TOM1L2: variants seen among roughly 807,000 people sequenced by gnomAD.
TOM1L2 encodes the protein TOM1-like protein 2.
In TOM1L2, 31 loss-of-function variants were observed where a neutral mutation model predicts 67.9. The ratio of observed to expected loss-of-function variants is 0.46; its 90% CI spans 0.34 to 0.62. The LOEUF (loss-of-function observed/expected upper bound fraction) is 0.62. TOM1L2 is among the 20% of genes least tolerant of loss of function. The probability of loss-of-function intolerance (pLI) is 0.01; values close to 1 mark genes in which losing one functional copy is unlikely to be tolerated. For synonymous variants in TOM1L2, 256 were observed against 254.0 expected, an observed-to-expected ratio of 1.01 and a Z score of -0.07; for missense variants, 606 against 663.5, an observed-to-expected ratio of 0.91 and a Z score of 0.95.
intron 1 of TOM1L2, among the ~76,000 whole-genome samples, chr17:17,930,116 A>C (rs1456014048): frequency 6.6e-6 from 1 of 152,208 alleles, no homozygotes; most frequent in African/African-American, 2.4e-5. Flanking sequence ...TTCAGAAATG[A>C]GACTGCCAAG....
At chr17:17,904,797 T>C (rs1422563095) in intron 2 of TOM1L2, among the ~76,000 whole-genome samples, 1 of 150,938 alleles carries the variant, frequency 6.6e-6, no homozygotes, top group Admixed American at 6.5e-5. Flanking sequence ...ACTGGCCCTT[T>C]TGATGCCACC....
At position 17,893,823 on chromosome 17, in the gene TOM1L2, G is replaced by A. The variant is rs751221794; in HGVS notation, c.217-13C>T. 3.1e-6 allele frequency: 5 copies of A among 1,612,446 alleles called. No individual in the cohort carries two copies. The highest frequency in any genetic ancestry group is 3.3e-4 in the Middle Eastern group (2 of 5,992). On this transcript the variant is annotated splice_polypyrimidine_tract_variant and intron_variant, in intron 3 of 14. Transcript: ENST00000379504. ...ATGTCTCCAGCACCTGATGTGGGGA[G>A]GGAAGGAAAAGGGTCACCCCAGTGG... is the stretch of plus-strand genomic sequence containing the variant.
At chr17:17,946,938 T>G (rs935030924) in intron 1 of TOM1L2, among the ~76,000 whole-genome samples, 2 of 152,210 alleles carry the variant, frequency 1.3e-5, no homozygotes, top group Non-Finnish European at 2.9e-5. Flanking sequence ...TTGGCCAGGC[T>G]GGTCTCGAGC....
At chr17:17,856,081 G>C (rs1336764222) in intron 12 of TOM1L2, among the ~76,000 whole-genome samples, 1 of 152,246 alleles carries the variant, frequency 6.6e-6, no homozygotes, top group Admixed American at 6.5e-5. Flanking sequence ...TGGCGAGGCA[G>C]TCTGTGTGGG....
chr17:17,900,790 G>A (rs913655444), intron 2 of TOM1L2, among the ~76,000 whole-genome samples: 4 of 152,162 alleles, frequency 2.6e-5, no homozygotes, highest in South Asian at 2.1e-4. Context: ...GGACTTAACC[G>A]GCTCTCTGCT....
At chr17:17,873,986 C>T (rs566835671) in intron 7 of TOM1L2, among the ~76,000 whole-genome samples, 3 of 151,252 alleles carry the variant, frequency 2.0e-5, no homozygotes, top group Non-Finnish European at 4.4e-5. Context: ...ATGGGAGTCT[C>T]GCTCTGTCGC....
At chr17:17,947,755 A>G (rs1025365232) in intron 1 of TOM1L2, among the ~76,000 whole-genome samples, 6 of 152,222 alleles carry the variant, frequency 3.9e-5, no homozygotes, top group Non-Finnish European at 8.8e-5. Flanking sequence ...TCAGGCTCAA[A>G]GAGGTTACTG....
At chr17:17,955,343 T>G (rs1280038897) in intron 1 of TOM1L2, among the ~76,000 whole-genome samples, 6 of 145,604 alleles carry the variant, frequency 4.1e-5, no homozygotes, top group South Asian at 2.3e-4. Context: ...TTTTTTTTTT[T>G]TTTTTTTGTT....
chr17:17,916,156 C>A (rs1476048689), intron 1 of TOM1L2, among the ~76,000 whole-genome samples: 2 of 151,524 alleles, frequency 1.3e-5, no homozygotes, highest in African/African-American at 4.8e-5. Context: ...TCACTGCAAG[C>A]TCTACCTCCT....
At chr17:17,894,751 C>T (rs1335877397) in intron 3 of TOM1L2, among the ~76,000 whole-genome samples, 2 of 152,174 alleles carry the variant, frequency 1.3e-5, no homozygotes, top group African/African-American at 4.8e-5. Flanking sequence ...GCCAACACGG[C>T]GAAGCCCTGC....
At chr17:17,869,602 C>A in intron 7 of TOM1L2, 129 bp from the exon 8 acceptor site, 2 of 1,415,314 alleles carry the variant, frequency 1.4e-6, no homozygotes, top group Non-Finnish European at 1.8e-6. Flanking sequence ...TAAAACCAGA[C>A]ATGTGCCGAA....
At chr17:17,929,289 G>C (rs2040228172) in intron 1 of TOM1L2, among the ~76,000 whole-genome samples, 1 of 152,164 alleles carries the variant, frequency 6.6e-6, no homozygotes, top group Non-Finnish European at 1.5e-5. Context: ...CTTCTGCTTA[G>C]AGCTGCTTTG....
Position 17,847,171 on chromosome 17 carries a change from T to A in TOM1L2, c.*464A>T, listed in dbSNP as rs2035687651. 5.4e-6 allele frequency: 1 copy of A among 186,762 alleles called. No homozygotes were observed. Among genetic ancestry groups the A allele is most frequent in the South Asian group, 9.8e-5 (1 of 10,202 alleles). The allele number at this position is 186,762 out of a possible 1,614,324, so 11.6% of individuals were successfully genotyped here. ...CCAGGCCCATGAGTGCAGCACACCC[T>A]GCTCTTCCAGAGATGCCACAAAGCC... On this transcript the variant is annotated 3_prime_UTR_variant, in exon 15 of 15. Coordinates refer to ENST00000379504, the MANE Select transcript of TOM1L2 (RefSeq NM_001082968.2).
chr17:17,912,627 T>C (rs993414179), intron 1 of TOM1L2, among the ~76,000 whole-genome samples: 4 of 147,870 alleles, frequency 2.7e-5, no homozygotes, highest in Admixed American at 2.7e-4. Context: ...CTAGATGGGA[T>C]GGCGGCCGGG....
intron 1 of TOM1L2, among the ~76,000 whole-genome samples, chr17:17,942,098 G>A (rs1395941331): frequency 1.3e-5 from 2 of 152,192 alleles, no homozygotes; most frequent in African/African-American, 2.4e-5. Context: ...CTCCTAAAAC[G>A]AGAGGCAGAA....
intron 12 of TOM1L2, among the ~76,000 whole-genome samples, chr17:17,854,514 G>T (rs547218631): frequency 1.6e-4 from 25 of 151,786 alleles, no homozygotes; most frequent in Admixed American, 4.6e-4. Context: ...TATTTATTTA[G>T]TTATTTATTT....
chr17:17,944,594 T>G (rs1646159150), intron 1 of TOM1L2, among the ~76,000 whole-genome samples: 1 of 152,218 alleles, frequency 6.6e-6, no homozygotes, highest in Non-Finnish European at 1.5e-5. Context: ...GATTCCCATA[T>G]TTGGAGTTAT....
At chr17:17,855,547 C>T (rs567242412) in intron 12 of TOM1L2, among the ~76,000 whole-genome samples, 1 of 152,304 alleles carries the variant, frequency 6.6e-6, no homozygotes, top group South Asian at 2.1e-4. Flanking sequence ...TGAGAGCCGC[C>T]CGGCCCTAGC....
intron 3 of TOM1L2, among the ~76,000 whole-genome samples, chr17:17,897,503 T>A (rs78829178): frequency 0.014 from 2,176 of 152,294 alleles, 72 homozygotes; most frequent in African/African-American, 0.05. Context: ...CAGTTTCTAT[T>A]TTAAGAACTC....
Sources: gnomAD v4.1 joint callset for allele counts (sites outside exome capture counted in the v4.1 genomes callset) on GRCh38, gnomAD v4.1.1 for gene constraint, MANE v1.5 for transcripts, NCBI Gene and HGNC (gene_info 2026-07-23, HGNC 2026-07-21) for gene names.